The following PPP1CA variants were observed in gnomAD, a reference collection of about 807,000 sequenced individuals.
PPP1CA encodes serine/threonine-protein phosphatase PP1-alpha catalytic subunit.
Under a neutral mutation model 38.5 loss-of-function variants are expected in PPP1CA, and 14 were observed. The ratio of observed to expected loss-of-function variants is 0.36; its 90% CI spans 0.24 to 0.57. The LOEUF (loss-of-function observed/expected upper bound fraction) is 0.57. Among genes scored for constraint, PPP1CA ranks in the 20% least tolerant of loss-of-function variants. The pLI is 0.80. For missense variants in PPP1CA, 277 were observed against 435.2 expected (o/e 0.64, Z 3.23); for synonymous variants, 200 against 177.3 (o/e 1.13, Z -1.02).
Position 67,398,746 on chromosome 11 carries a change from G to C in PPP1CA, c.858C>G (p.Asp286Glu). Residue 286 changes from aspartate to glutamate, a missense_variant, in exon 6 of 7, where the codon GAC becomes GAG. Transcript: ENST00000376745. ...FDNAGAMMSV[D>E]ETLMCSFQIL... ...CCTGGAAAGAGCACATGAGGGTCTC[G>C]TCCACACTCATCATGGCGCCAGCAT... 6 of 1,613,880 alleles carry C rather than the reference G, an allele frequency of 3.7e-6. No homozygotes were observed. Among genetic ancestry groups the C allele is most frequent in the Non-Finnish European group, 5.1e-6 (6 of 1,180,002 alleles).
rs758207900 is a variant in PPP1CA, at chr11:67,398,583, T to C, written c.945A>G (p.Gly315=). 1.2e-6 allele frequency: 2 copies of C among 1,614,104 alleles called. No individual in the cohort carries two copies. Among genetic ancestry groups the C allele is most frequent in the Admixed American group, 1.7e-5 (1 of 60,012 alleles). ...KYGQFSGLNP[G]GRPITPPRNS... is the part of the protein sequence containing the mutation. ...TGCGGGGTGGGGTGATGGGTCGGCC[T>C]CCAGGGTTCAGGCCACTGAACTGCC... Residue 315 remains glycine (G), a synonymous_variant, in exon 7 of 7, where the codon GGA becomes GGG. Coordinates refer to ENST00000376745, the MANE Select transcript of PPP1CA (RefSeq NM_002708.4).
In PPP1CA at chr11:67,399,598, C is replaced by T. The variant is rs367543169; in HGVS notation, c.486G>A (p.Ala162=). The T allele has an allele frequency of 2.4e-5, 38 of 1,613,992 alleles. No homozygotes were observed. The highest frequency in any genetic ancestry group is 1.1e-4 in the East Asian group (5 of 44,898). Residue 162 remains alanine (A), a synonymous_variant, in exon 4 of 7, where the codon GCG becomes GCA. Coordinates refer to ENST00000376745, the MANE Select transcript of PPP1CA (RefSeq NM_002708.4). ...FTDCFNCLPI[A]AIVDEKIFCC... is the part of the protein sequence containing the mutation. ...AGAAGATCTTTTCGTCCACTATGGC[C>T]GCGATGGGCAGGCAGTTGAAGCAGT...
chr11:67,398,885 G>C (rs372939668), intron 5 of PPP1CA, 29 bp from the exon 6 acceptor site: 3 of 1,611,766 alleles, frequency 1.9e-6, no homozygotes, highest in Non-Finnish European at 1.7e-6. Flanking sequence ...AGTCAGTCCC[G>C]AGCGCAGGCA....
Position 67,398,725 on chromosome 11 carries a change from G to T in PPP1CA, c.879C>A (p.Phe293Leu). 1 of 1,613,896 alleles carries T rather than the reference G, an allele frequency of 6.2e-7. No individual in the cohort carries two copies. Among genetic ancestry groups the T allele is most frequent in the Non-Finnish European group, 8.5e-7 (1 of 1,179,914 alleles). ...MSVDETLMCSFQILKPADKNK... is the reference protein window; with the variant it reads ...MSVDETLMCSLQILKPADKNK... ...CTCCTTTCTTCCCCACACTCACCTGGAAAGAGCACATGAGGGTCTCGTCCA... is the reference window on the plus strand; with the variant it reads ...CTCCTTTCTTCCCCACACTCACCTGTAAAGAGCACATGAGGGTCTCGTCCA... Residue 293 changes from phenylalanine (F) to leucine (L), a missense_variant, in exon 6 of 7, where the codon TTC becomes TTA. By Grantham distance (22) the Phe-to-Leu change is conservative. Around this residue, in one of 3 missense-constraint regions of PPP1CA, gnomAD observed 53 missense variants for 51.1 expected, o/e 1.04. Transcript: ENST00000376745.
rs752687575 is a variant in PPP1CA at position 67,401,759 on chromosome 11, G to A, written c.24C>T (p.Asn8=). 3 of 1,480,232 alleles carry A rather than the reference G, an allele frequency of 2.0e-6. No individual in the cohort carries two copies. Among genetic ancestry groups the A allele is most frequent in the South Asian group, 1.3e-5 (1 of 77,306 alleles). 91.7% of individuals were successfully genotyped at this position (1,480,232 alleles called of 1,614,324 possible). Residue 8 remains asparagine (N), a synonymous_variant, in exon 1 of 7, where the codon AAC becomes AAT. Transcript: ENST00000376745. Reference sequence around the variant, plus strand: ...GCAGGCGCCCGATGATCGAGTCCAGGTTGAGCTTCTCGCTGTCGGACATGG... The same window carrying A: ...GCAGGCGCCCGATGATCGAGTCCAGATTGAGCTTCTCGCTGTCGGACATGG... The part of the protein sequence containing the change: MSDSEKL[N]LDSIIGRLLE...
At chr11:67,399,409 A>G (rs1296203511) in intron 4 of PPP1CA, 152 bp downstream of exon 4, 14 of 738,926 alleles carry the variant, frequency 1.9e-5, no homozygotes, top group Middle Eastern at 3.4e-4. Context: ...TCCATGTAGG[A>G]CACACATCAA....
chr11:67,401,466 G>C, intron 1 of PPP1CA: 2 of 608,356 alleles, frequency 3.3e-6, no homozygotes, highest in Non-Finnish European at 2.7e-6. Flanking sequence ...TCCTGGACCG[G>C]GCTTCCCGGG....
At chr11:67,399,712 AG>A in intron 3 of PPP1CA, 47 bp from the exon 4 acceptor site, 1 of 1,494,412 alleles carries the variant, frequency 6.7e-7, no homozygotes, top group Admixed American at 1.8e-5. Context: ...CCCCACCCTC[AG>A]CCAGGGTCCC....
At chr11:67,398,884 C>T (rs367673223) in intron 5 of PPP1CA, 28 bp from the exon 6 acceptor site, 24 of 1,611,658 alleles carry the variant, frequency 1.5e-5, no homozygotes, top group South Asian at 5.5e-5. Flanking sequence ...CAGTCAGTCC[C>T]GAGCGCAGGC....
chr11:67,399,301 A>C (rs910290166), intron 4 of PPP1CA, 138 bp from the exon 5 acceptor site: 3 of 832,178 alleles, frequency 3.6e-6, no homozygotes, highest in Non-Finnish European at 5.7e-6. Context: ...GGCAGAAGTC[A>C]TCCCCTTCCC....
At chr11:67,401,503 C>A in intron 1 of PPP1CA, 1 of 573,208 alleles carries the variant, frequency 1.7e-6, no homozygotes, top group African/African-American at 1.9e-5. Context: ...AGAGCCCAGG[C>A]AACCCGTGCG....
At position 67,398,236 on chromosome 11, in the gene PPP1CA, C is replaced by T. The variant is rs1045693620; in HGVS notation, c.*299G>A. 60 of 435,876 alleles carry T rather than the reference C, an allele frequency of 1.4e-4. No individual in the cohort carries two copies. The highest frequency in any genetic ancestry group is 4.6e-4 in the South Asian group (16 of 34,500). 27.0% of individuals were successfully genotyped at this position (435,876 alleles called of 1,614,324 possible). A position where few individuals can be genotyped will look rare whatever the true frequency, so the allele number is the denominator to read the frequency against. On this transcript the variant is annotated 3_prime_UTR_variant, in exon 7 of 7. Coordinates refer to ENST00000376745, the MANE Select transcript of PPP1CA (RefSeq NM_002708.4). Reference sequence around the variant, plus strand: ...AGACCAGATGGGTTGCCCCAGGATCCGGCTGCCAGCCCTGAGGCCAAGCAC... The same window carrying T: ...AGACCAGATGGGTTGCCCCAGGATCTGGCTGCCAGCCCTGAGGCCAAGCAC...
At chr11:67,399,738 G>A (rs1400721261) in intron 3 of PPP1CA, 73 bp from the exon 4 acceptor site, 17 of 1,261,144 alleles carry the variant, frequency 1.3e-5, no homozygotes, top group Admixed American at 5.9e-5. Context: ...CTATTCAGCC[G>A]TGGCTGGGAG....
Position 67,399,619 on chromosome 11 carries a change from G to C in PPP1CA, c.465C>G (p.Cys155Trp). 6.2e-7 allele frequency: 1 copy of C among 1,614,132 alleles called. No individual in the cohort carries two copies. The highest frequency in any genetic ancestry group is 8.5e-7 in the Non-Finnish European group (1 of 1,179,988). Reference protein sequence around the residue: ...NIKLWKTFTDCFNCLPIAAIV... With the variant: ...NIKLWKTFTDWFNCLPIAAIV... ...TGGCCGCGATGGGCAGGCAGTTGAA[G>C]CAGTCAGTGAAGGTTTTCCACAGTT... Residue 155 changes from cysteine (C) to tryptophan (W), a missense_variant, in exon 4 of 7, where the codon TGC becomes TGG. By Grantham distance (215) the Cys-to-Trp change is radical (BLOSUM62 -2). Coordinates refer to ENST00000376745, the MANE Select transcript of PPP1CA (RefSeq NM_002708.4).
At chr11:67,400,096 C>T (rs1489037186) in intron 3 of PPP1CA, among the ~76,000 whole-genome samples, 1 of 152,190 alleles carries the variant, frequency 6.6e-6, no homozygotes, top group Non-Finnish European at 1.5e-5. Flanking sequence ...GAGATCACAC[C>T]ATTGCACTCT....
intron 4 of PPP1CA, among the ~76,000 whole-genome samples, 190 bp from the exon 5 acceptor site, chr11:67,399,353 T>TG (rs1369863871): frequency 6.6e-6 from 1 of 152,156 alleles, no homozygotes; most frequent in Non-Finnish European, 1.5e-5. Context: ...AAGGCATCCC[T>TG]GCCCTCAGGA....
chr11:67,400,279 C>T (rs904625289), intron 3 of PPP1CA, among the ~76,000 whole-genome samples: 56 of 152,302 alleles, frequency 3.7e-4, no homozygotes, highest in Admixed American at 3.4e-3. Context: ...CTAAAGCACC[C>T]GAGTCCACTG....
Position 67,399,013 on chromosome 11 carries a change from A to G in PPP1CA, c.674T>C (p.Phe225Ser). The change falls in exon 5 of 7, where the codon TTT (phenylalanine) becomes TCT (serine). Residue 225 changes from phenylalanine to serine, a missense_variant. By Grantham distance (155) the Phe-to-Ser change is radical. Transcript: ENST00000376745. The stretch of plus-strand genomic sequence containing the variant: ...GGCCACCACCTCGGCTCCAAAGGTA[A>G]AAGAGACGCCACGGTCGTTCTCGCC... ...GWGENDRGVS[F>S]TFGAEVVAKF... 1 of 1,613,488 alleles carries G rather than the reference A, an allele frequency of 6.2e-7. No homozygotes were observed.
chr11:67,401,418 G>A (rs1397308034), intron 1 of PPP1CA: 11 of 765,078 alleles, frequency 1.4e-5, no homozygotes, highest in African/African-American at 3.5e-5. Context: ...GTCGTGCGCA[G>A]GGGGCTGCCA....
Sources: gnomAD v4.1 joint callset for allele counts (sites outside exome capture counted in the v4.1 genomes callset) on GRCh38, gnomAD v4.1.1 for gene constraint, gnomAD v4.1.1 regional missense constraint, MANE v1.5 for transcripts, NCBI Gene and HGNC (gene_info 2026-07-23, HGNC 2026-07-21) for gene names.